Variants in CSMD2 observed in about 807,000 individuals in gnomAD.
CSMD2 encodes the protein CUB and sushi domain-containing protein 2.
CSMD2 carries 130 observed loss-of-function variants against 398.5 expected under a neutral mutation model. The ratio of observed to expected loss-of-function variants is 0.33; its 90% CI spans 0.28 to 0.38. The LOEUF (loss-of-function observed/expected upper bound fraction) is 0.38. Ranked by LOEUF, CSMD2 falls within the 10% of genes least tolerant of loss-of-function variation. The pLI is 1.00. For missense variants in CSMD2, 3,829 were observed against 4,764.9 expected (o/e 0.80, Z 5.78); for synonymous variants, 1,828 against 1,908.5 (o/e 0.96, Z 1.10).
At chr1:33,665,426 C>T (rs1644274115) in intron 25 of CSMD2, among the ~76,000 whole-genome samples, 1 of 142,044 alleles carries the variant, frequency 7.0e-6, no homozygotes, top group African/African-American at 2.6e-5. Flanking sequence ...AACTTTAATA[C>T]TTTCCTGGGA....
chr1:33,866,230 G>T (rs372797878), intron 5 of CSMD2, among the ~76,000 whole-genome samples: 5 of 152,222 alleles, frequency 3.3e-5, no homozygotes, highest in Admixed American at 6.5e-5. Flanking sequence ...GGATTTTCAT[G>T]TGCCAGGCCA....
intron 9 of CSMD2, among the ~76,000 whole-genome samples, chr1:33,818,512 C>T (rs926937873): frequency 3.9e-5 from 6 of 152,182 alleles, no homozygotes; most frequent in African/African-American, 9.7e-5. Context: ...CTATTAGCAA[C>T]ATTTGGAGGT....
At chr1:33,693,885 C>T (rs1485142239) in intron 24 of CSMD2, among the ~76,000 whole-genome samples, 1 of 152,124 alleles carries the variant, frequency 6.6e-6, no homozygotes, top group Non-Finnish European at 1.5e-5. Flanking sequence ...TGGAGAAACC[C>T]CATCTCTACT....
At chr1:33,886,354 C>T (rs566959251) in intron 5 of CSMD2, among the ~76,000 whole-genome samples, 1 of 152,254 alleles carries the variant, frequency 6.6e-6, no homozygotes, top group South Asian at 2.1e-4. Flanking sequence ...AGCACCTAAA[C>T]AAAGTCGGGC....
chr1:33,626,726 A>G, intron 32 of CSMD2, 145 bp from the exon 33 acceptor site: 1 of 584,280 alleles, frequency 1.7e-6, no homozygotes, highest in East Asian at 2.9e-5. Flanking sequence ...ATAAAATCTC[A>G]CGTATTTTTA....
At chr1:33,749,952 A>G (rs1235159459) in intron 13 of CSMD2, among the ~76,000 whole-genome samples, 1 of 152,238 alleles carries the variant, frequency 6.6e-6, no homozygotes, top group Non-Finnish European at 1.5e-5. Flanking sequence ...TGTATGATAC[A>G]CACACAATCA....
chr1:33,804,699 T>A, intron 10 of CSMD2: 1 of 717,238 alleles, frequency 1.4e-6, no homozygotes, highest in South Asian at 1.5e-5. Context: ...GAAGGAGATG[T>A]CTGAAGGTGA....
At chr1:33,541,049 T>C in intron 59 of CSMD2, 81 bp downstream of exon 59, 2 of 1,438,392 alleles carry the variant, frequency 1.4e-6, no homozygotes, top group Non-Finnish European at 1.9e-6. Context: ...CCCCTCTCCC[T>C]TCTAGAGAGA....
chr1:33,926,954 G>A (rs986787995), intron 4 of CSMD2, among the ~76,000 whole-genome samples: 1 of 152,178 alleles, frequency 6.6e-6, no homozygotes, highest in African/African-American at 2.4e-5. Context: ...CTTCAGGCCA[G>A]CTCTAGGGTA....
chr1:33,715,197 G>C (rs544883200), intron 20 of CSMD2, among the ~76,000 whole-genome samples: 3 of 152,216 alleles, frequency 2.0e-5, no homozygotes, highest in South Asian at 2.1e-4. Context: ...AGGCTCTCCT[G>C]CTTCCTTGTC....
chr1:33,595,402 T>A (rs1221262361), intron 44 of CSMD2, among the ~76,000 whole-genome samples: 1 of 152,200 alleles, frequency 6.6e-6, no homozygotes, highest in Non-Finnish European at 1.5e-5. Flanking sequence ...TGATTTCAAT[T>A]TGTCCCATTA....
At chr1:33,889,336 A>C (rs1309041708) in intron 5 of CSMD2, among the ~76,000 whole-genome samples, 1 of 152,234 alleles carries the variant, frequency 6.6e-6, no homozygotes, top group South Asian at 2.1e-4. Context: ...TAACTACACT[A>C]ATAATTGGAG....
chr1:33,840,806 C>A (rs1356244219), intron 6 of CSMD2, among the ~76,000 whole-genome samples: 1 of 152,048 alleles, frequency 6.6e-6, no homozygotes, highest in Non-Finnish European at 1.5e-5. Context: ...TTTGCAGAGA[C>A]CTTTGGAGGT....
At chr1:33,623,987 G>A (rs1378398997) in intron 35 of CSMD2, among the ~76,000 whole-genome samples, 1 of 152,162 alleles carries the variant, frequency 6.6e-6, no homozygotes, top group Non-Finnish European at 1.5e-5. Context: ...TACCAGTTAT[G>A]CCCCCAGTTC....
chr1:33,592,220 C>T (rs1639507171), intron 44 of CSMD2: 1 of 595,368 alleles, frequency 1.7e-6, no homozygotes, highest in Non-Finnish European at 3.0e-6. Flanking sequence ...CTCAATCATT[C>T]TCTTTCTGCA....
At chr1:34,097,442 C>T (rs1659452796) in intron 1 of CSMD2, among the ~76,000 whole-genome samples, 2 of 105,726 alleles carry the variant, frequency 1.9e-5, no homozygotes, top group African/African-American at 7.7e-5. Context: ...AGCTTCTGCA[C>T]AGCAAAAGAA....
At chr1:33,806,298 C>A (rs753793973) in intron 10 of CSMD2, among the ~76,000 whole-genome samples, 10 of 152,176 alleles carry the variant, frequency 6.6e-5, no homozygotes, top group Non-Finnish European at 1.5e-5. Context: ...GAATTCACAA[C>A]AGTAAGTCAG....
In CSMD2 at chr1:33,785,169, A is replaced by C. The variant is rs115351052; in HGVS notation, c.1663+3431T>G. Among the ~76,000 whole-genome samples, 1,486 of 152,354 alleles carry C rather than the reference A, an allele frequency of 9.8e-3. 27 individuals carry two copies. Among genetic ancestry groups the C allele is most frequent in the African/African-American group, 0.033 (1,352 of 41,576 alleles). ...TACCACATCCAAGCTGCTAGCTATT[A>C]TAATCACAGCACCCAGCAAAATGTT... On this transcript the variant is annotated intron_variant, in intron 12 of 70. Coordinates refer to ENST00000373381, the MANE Select transcript of CSMD2 (RefSeq NM_001281956.2).
chr1:33,881,353 T>C (rs2125174230), intron 5 of CSMD2, among the ~76,000 whole-genome samples: 1 of 152,248 alleles, frequency 6.6e-6, no homozygotes, highest in South Asian at 2.1e-4. Context: ...ATATAAAAAC[T>C]GTTCTGTAGG....
Sources: gnomAD v4.1 joint callset for allele counts (sites outside exome capture counted in the v4.1 genomes callset) on GRCh38, gnomAD v4.1.1 for gene constraint, MANE v1.5 for transcripts, NCBI Gene and HGNC (gene_info 2026-07-23, HGNC 2026-07-21) for gene names.